PHF14: variants seen among roughly 807,000 people sequenced by gnomAD.
PHF14 encodes the protein PHD finger protein 14.
In PHF14, 55 loss-of-function variants were observed where a neutral mutation model predicts 117.9. The ratio of observed to expected loss-of-function variants is 0.47; its 90% CI spans 0.38 to 0.58. The LOEUF (loss-of-function observed/expected upper bound fraction) is 0.58. PHF14 is among the 20% of genes least tolerant of loss of function. The pLI, the probability that PHF14 is intolerant of heterozygous loss-of-function variation, is 0.00. For missense variants in PHF14, 978 were observed against 1,122.2 expected (o/e 0.87, Z 1.84); for synonymous variants, 409 against 368.6 (o/e 1.11, Z -1.26).
rs929943899 is a variant in PHF14, at chr7:11,013,842, G to A, written c.1141G>A (p.Val381Ile). The A allele has an allele frequency of 1.7e-5, 28 of 1,610,870 alleles. No homozygotes were observed. In the Admixed American group the frequency reaches 2.7e-4, roughly 15 times the overall value. Residue 381 changes from valine to isoleucine, a missense_variant, in exon 5 of 18, where the codon GTT becomes ATT. Around this residue, in one of 7 missense-constraint regions of PHF14, gnomAD observed 86 missense variants for 137.8 expected, o/e 0.62. Transcript: ENST00000634607. ...GTTTTGTGATGCCTGTAAATGTGGT[G>A]TTTCTCCTAGCTGTGAACTGTGTCC... ...PWFCDACKCGVSPSCELCPNQ... is the reference protein window; with the variant it reads ...PWFCDACKCGISPSCELCPNQ...
chr7:10,975,924 G>A (rs1054079729), intron 2 of PHF14, among the ~76,000 whole-genome samples: 2 of 152,094 alleles, frequency 1.3e-5, no homozygotes, highest in Non-Finnish European at 2.9e-5. Context: ...TTATATTACT[G>A]TTGCTACTTT....
At chr7:11,104,069 C>T in intron 16 of PHF14, 1 of 984,550 alleles carries the variant, frequency 1.0e-6, no homozygotes, top group Non-Finnish European at 1.2e-6. Context: ...TAGACCATGG[C>T]CCTCTTTTAA....
intron 16 of PHF14, chr7:11,102,672 T>G (rs2128341641): frequency 6.7e-7 from 1 of 1,483,686 alleles, no homozygotes; most frequent in South Asian, 1.4e-5. Context: ...GCTTGTCAGG[T>G]TTGGATAGAA....
chr7:11,022,301 G>A (rs1018334408), intron 5 of PHF14, among the ~76,000 whole-genome samples: 2 of 152,066 alleles, frequency 1.3e-5, no homozygotes, highest in African/African-American at 4.8e-5. Context: ...TGCTTATTCT[G>A]TACCTTTTCC....
chr7:11,155,181 A>T (rs1261785678), intron 17 of PHF14, among the ~76,000 whole-genome samples: 5 of 152,158 alleles, frequency 3.3e-5, no homozygotes, highest in African/African-American at 4.8e-5. Context: ...CGTCAAAAAT[A>T]GTTACTGCCA....
At chr7:11,039,689 A>G (rs1179774127) in intron 11 of PHF14, among the ~76,000 whole-genome samples, 1 of 152,230 alleles carries the variant, frequency 6.6e-6, no homozygotes, top group Non-Finnish European at 1.5e-5. Context: ...GCTTATTTAA[A>G]TATTTTAAGA....
At chr7:11,160,805 G>T (rs920203646) in intron 17 of PHF14, among the ~76,000 whole-genome samples, 1 of 152,036 alleles carries the variant, frequency 6.6e-6, no homozygotes, top group Non-Finnish European at 1.5e-5. Context: ...TGTAGATTCT[G>T]GATGTTAGAT....
chr7:11,097,734 C>T (rs960655886), intron 16 of PHF14, among the ~76,000 whole-genome samples: 4 of 152,114 alleles, frequency 2.6e-5, no homozygotes, highest in African/African-American at 7.2e-5. Context: ...TTGTTGATAC[C>T]CATTTATCTA....
At chr7:10,986,961 T>G (rs537634057) in intron 3 of PHF14, among the ~76,000 whole-genome samples, 11 of 152,226 alleles carry the variant, frequency 7.2e-5, no homozygotes, top group Non-Finnish European at 1.3e-4. Context: ...AATGTAACTT[T>G]ATGTTCTTTG....
chr7:11,065,751 A>C (rs1562447945), intron 16 of PHF14, among the ~76,000 whole-genome samples: 1 of 152,172 alleles, frequency 6.6e-6, no homozygotes, highest in African/African-American at 2.4e-5. Flanking sequence ...CGAACTATCA[A>C]ATTAGGAATA....
At position 11,028,732 on chromosome 7, in the gene PHF14, A is replaced by T. The variant is rs1335226192; in HGVS notation, c.1369A>T (p.Ser457Cys). The change falls in exon 7 of 18, where the codon AGC (serine) becomes TGC (cysteine). Residue 457 changes from serine to cysteine, a missense_variant. Around this residue, in one of 7 missense-constraint regions of PHF14, gnomAD observed 23 missense variants for 66.8 expected, o/e 0.34. Coordinates refer to ENST00000634607, the MANE Select transcript of PHF14 (RefSeq NM_001007157.2). ...CTTTGCTAGAACTGGGGTTTGCATT[A>T]GCTGTGATGCAGGGATGTGCAGAGC... ...PRFARTGVCISCDAGMCRAYF... is the reference protein window; with the variant it reads ...PRFARTGVCICCDAGMCRAYF... The T allele has an allele frequency of 6.2e-7, 1 of 1,613,726 alleles. No individual in the cohort carries two copies. The highest frequency in any genetic ancestry group is 8.5e-7 in the Non-Finnish European group (1 of 1,179,684).
chr7:11,044,937 A>G (rs544203937), intron 13 of PHF14, among the ~76,000 whole-genome samples: 9 of 152,288 alleles, frequency 5.9e-5, no homozygotes, highest in Admixed American at 2.6e-4. Context: ...CAATGCTCCA[A>G]TGAACATTTT....
At chr7:11,019,954 CTTT>C (rs909865728) in intron 5 of PHF14, among the ~76,000 whole-genome samples, 1 of 152,108 alleles carries the variant, frequency 6.6e-6, no homozygotes, top group African/African-American at 2.4e-5. Flanking sequence ...TACTCTTCTT[CTTT>C]ATGTCCTTTG....
chr7:11,155,364 TA>T (rs1031985145), intron 17 of PHF14, among the ~76,000 whole-genome samples: 2 of 152,184 alleles, frequency 1.3e-5, no homozygotes, highest in Admixed American at 1.3e-4. Flanking sequence ...AAATATGAAG[TA>T]TGTCAGAAGT....
chr7:11,096,177 C>T (rs933541149), intron 16 of PHF14, among the ~76,000 whole-genome samples: 13 of 152,014 alleles, frequency 8.6e-5, no homozygotes, highest in Admixed American at 6.6e-4. Context: ...TATATGCATG[C>T]ATGGATATTT....
At chr7:10,994,795 C>G (rs935730461) in intron 4 of PHF14, among the ~76,000 whole-genome samples, 1 of 152,010 alleles carries the variant, frequency 6.6e-6, no homozygotes, top group African/African-American at 2.4e-5. Context: ...AAGCTGCAGA[C>G]CTTCGCGGTG....
At chr7:11,025,914 C>G (rs1367092322) in intron 6 of PHF14, among the ~76,000 whole-genome samples, 1 of 152,092 alleles carries the variant, frequency 6.6e-6, no homozygotes, top group Non-Finnish European at 1.5e-5. Context: ...GAGTTCGAGA[C>G]CAGCCTGGCC....
intron 16 of PHF14, among the ~76,000 whole-genome samples, chr7:11,088,169 A>G (rs1403644203): frequency 6.6e-6 from 1 of 152,168 alleles, no homozygotes; most frequent in Non-Finnish European, 1.5e-5. Context: ...ATGTTCCTGT[A>G]TGCTTTCAGT....
At chr7:11,016,759 T>A (rs1783548367) in intron 5 of PHF14, among the ~76,000 whole-genome samples, 1 of 152,166 alleles carries the variant, frequency 6.6e-6, no homozygotes, top group African/African-American at 2.4e-5. Context: ...TTACCCTCTT[T>A]AAGTTATTTT....
Sources: allele counts gnomAD v4.1 joint callset (sites outside exome capture counted in the v4.1 genomes callset), GRCh38; gene constraint gnomAD v4.1.1; regional missense constraint gnomAD v4.1.1; transcripts MANE v1.5; gene names NCBI Gene and HGNC (gene_info 2026-07-23, HGNC 2026-07-21).